The following NOTCH2NLC variants were observed in gnomAD, a reference collection of about 807,000 sequenced individuals.
NOTCH2NLC encodes notch 2 N-terminal like C.
Under a neutral mutation model 17.7 loss-of-function variants are expected in NOTCH2NLC, and 4 were observed. The observed-to-expected ratio is 0.23, with a 90% CI of 0.11 to 0.52. NOTCH2NLC has a LOEUF of 0.52. Ranked by LOEUF, NOTCH2NLC falls within the 20% of genes least tolerant of loss-of-function variation. The pLI, the probability that NOTCH2NLC is intolerant of heterozygous loss-of-function variation, is 0.96. For synonymous variants in NOTCH2NLC, 18 were observed against 86.0 expected, an observed-to-expected ratio of 0.21 and a Z score of 4.38; for missense variants, 57 against 207.2, an observed-to-expected ratio of 0.28 and a Z score of 4.45.
intron 1 of NOTCH2NLC, chr1:149,409,232 G>T (rs1310519636): frequency 1.3e-5 from 2 of 150,144 alleles, no homozygotes; most frequent in Non-Finnish European, 2.9e-5. Flanking sequence ...TGCATTAAAG[G>T]AATATTTATG....
chr1:149,420,092 G>C lies in NOTCH2NLC; in HGVS notation c.136-10850G>C, dbSNP rs1220511144. Among the ~76,000 whole-genome samples the C allele has an allele frequency of 4.0e-5, 6 of 149,780 alleles. No individual in the cohort carries two copies. The East Asian group carries it at 1.2e-3, about 30-fold the overall frequency. Reference sequence around the variant, plus strand: ...TCACCGTGTTAGCCAGGATGGTGTCGATCTCCTGACCTCGTGATCCGCCCA... The same window carrying C: ...TCACCGTGTTAGCCAGGATGGTGTCCATCTCCTGACCTCGTGATCCGCCCA... On this transcript the variant is annotated intron_variant, in intron 1 of 4. Transcript: ENST00000650865.
At chr1:149,445,806 C>G (rs2084548571) in intron 2 of NOTCH2NLC, among the ~76,000 whole-genome samples, 1 of 142,990 alleles carries the variant, frequency 7.0e-6, no homozygotes, top group Non-Finnish European at 1.5e-5. Context: ...TTTGAAATAG[C>G]TGTTTTGTAA....
At chr1:149,392,798 G>A (rs2084178408) in intron 1 of NOTCH2NLC, among the ~76,000 whole-genome samples, 1 of 151,098 alleles carries the variant, frequency 6.6e-6, no homozygotes. Flanking sequence ...TTGGCCGGGC[G>A]CGGTGGCTCA....
At chr1:149,430,721 T>A (rs1486125688) in intron 1 of NOTCH2NLC, among the ~76,000 whole-genome samples, 1 of 150,566 alleles carries the variant, frequency 6.6e-6, no homozygotes, top group Non-Finnish European at 1.5e-5. Context: ...AATAAGAGCA[T>A]CATTGAAGAC....
At chr1:149,413,050 G>T in intron 1 of NOTCH2NLC, among the ~76,000 whole-genome samples, 1 of 148,172 alleles carries the variant, frequency 6.7e-6, no homozygotes, top group East Asian at 2.1e-4. Context: ...GATTACTGGG[G>T]TGTGCCACTA....
At position 149,466,277 on chromosome 1, in the gene NOTCH2NLC, G is replaced by GATA. The variant is rs2084683314; in HGVS notation, c.*2124_*2125insATA. 0.055 allele frequency: 7,777 copies of GATA among 142,054 alleles called. 371 individuals are homozygous for GATA. Among genetic ancestry groups the GATA allele is most frequent in the Middle Eastern group, 0.066 (18 of 274 alleles). 8.8% of individuals were successfully genotyped at this position (142,054 alleles called of 1,614,324 possible). On this transcript the variant is annotated 3_prime_UTR_variant, in exon 5 of 5. Coordinates refer to ENST00000650865, the MANE Select transcript of NOTCH2NLC (RefSeq NM_001364013.2). ...GTGTGTGTGTGTGTGTGTGTGTGTG[G>GATA]TATATATATATATATCGCATTGTGC...
chr1:149,419,208 A>T (rs1233037862), intron 1 of NOTCH2NLC, among the ~76,000 whole-genome samples: 2 of 149,502 alleles, frequency 1.3e-5, no homozygotes, highest in African/African-American at 2.5e-5. Context: ...ATTGGAATTT[A>T]TATTGTTTCT....
chr1:149,449,483 T>C (rs2084578838), intron 2 of NOTCH2NLC, among the ~76,000 whole-genome samples: 2 of 147,678 alleles, frequency 1.4e-5, no homozygotes, highest in African/African-American at 5.0e-5. Flanking sequence ...AACCATTGAA[T>C]CCTGGAAAAA....
rs1338542263 is a variant in NOTCH2NLC, at chr1:149,398,580, T to C, written c.135+7658T>C. 2.8e-4 allele frequency among the ~76,000 whole-genome samples: 42 copies of C among 150,940 alleles called. 1 individual carries two copies. The highest frequency in any genetic ancestry group is 5.8e-4 in the Non-Finnish European group (39 of 67,582). On this transcript the variant is annotated intron_variant, in intron 1 of 4. Transcript: ENST00000650865. ...TGTACTTGTCTTGGCAAAACCCTGT[T>C]CTACTAGCTCCCCAATAGTTTGGCC...
At position 149,470,180 on chromosome 1, in the gene NOTCH2NLC, T is replaced by C. The variant is rs2084708386; in HGVS notation, c.*6027T>C. ...CGTTTAATCTTGGTCAAGTCAGCCA[T>C]GTGGCTCTCAACTTCCTCATCTGTA... is the stretch of plus-strand genomic sequence containing the variant. On this transcript the variant is annotated 3_prime_UTR_variant, in exon 5 of 5. Transcript: ENST00000650865. Among the ~76,000 whole-genome samples the C allele has an allele frequency of 6.6e-6, 1 of 151,200 alleles. No individual in the cohort carries two copies. The highest frequency in any genetic ancestry group is 1.9e-4 in the East Asian group (1 of 5,152).
chr1:149,469,016 G>A lies in NOTCH2NLC; in HGVS notation c.*4863G>A. Among the ~76,000 whole-genome samples, 1 of 110,226 alleles carries A rather than the reference G, an allele frequency of 9.1e-6. No homozygotes were observed. The highest frequency in any genetic ancestry group is 9.8e-5 in the Admixed American group (1 of 10,242). The allele number at this position is 110,226 out of a possible 152,430, so 72.3% of individuals were successfully genotyped here. A position where few individuals can be genotyped will look rare whatever the true frequency, so the allele number is the denominator to read the frequency against. On this transcript the variant is annotated 3_prime_UTR_variant, in exon 5 of 5. Coordinates refer to ENST00000650865, the MANE Select transcript of NOTCH2NLC (RefSeq NM_001364013.2). ...GCATCGCTCTTTCTCCCAGGCTGGA[G>A]TGCAATGGTGCTATCTCGGCTCACT...
chr1:149,419,282 A>G (rs1350903287), intron 1 of NOTCH2NLC, among the ~76,000 whole-genome samples: 1 of 150,918 alleles, frequency 6.6e-6, no homozygotes, highest in Admixed American at 6.6e-5. Flanking sequence ...GAACAAAGAA[A>G]GCCTTTATCA....
intron 1 of NOTCH2NLC, among the ~76,000 whole-genome samples, chr1:149,423,249 GTTTT>G (rs1233587636): frequency 5.5e-5 from 8 of 146,374 alleles, no homozygotes; most frequent in Admixed American, 5.5e-4. Context: ...TTTTTTTTGG[GTTTT>G]TTTTTTCCTT....
intron 3 of NOTCH2NLC, among the ~76,000 whole-genome samples, chr1:149,460,407 C>T (rs2084635849): frequency 6.5e-5 from 9 of 137,772 alleles, no homozygotes; most frequent in Non-Finnish European, 1.2e-4. Context: ...GGCGCAATCT[C>T]GGTTCACTGC....
chr1:149,395,544 C>A (rs1273866605), intron 1 of NOTCH2NLC, among the ~76,000 whole-genome samples: 2 of 150,712 alleles, frequency 1.3e-5, no homozygotes, highest in East Asian at 3.9e-4. Context: ...TGCCACCCAC[C>A]CCCTGCCTCT....
At chr1:149,398,092 G>A (rs1440186794) in intron 1 of NOTCH2NLC, among the ~76,000 whole-genome samples, 38 of 151,106 alleles carry the variant, frequency 2.5e-4, no homozygotes, top group African/African-American at 9.0e-4. Context: ...AGGGTGACTC[G>A]GATCTATAGG....
intron 1 of NOTCH2NLC, among the ~76,000 whole-genome samples, chr1:149,419,858 T>A (rs1490424307): frequency 2.1e-3 from 235 of 112,012 alleles, no homozygotes; most frequent in Middle Eastern, 8.7e-3. Context: ...TATATATATT[T>A]TTTTTTTTTT....
intron 1 of NOTCH2NLC, among the ~76,000 whole-genome samples, chr1:149,426,038 A>AC (rs1164319088): frequency 7.5e-6 from 1 of 133,718 alleles, no homozygotes; most frequent in Non-Finnish European, 1.6e-5. Context: ...TTGCTTAATA[A>AC]CCTCTAGCCA....
At chr1:149,460,876 T>C (rs1240974533) in intron 3 of NOTCH2NLC, among the ~76,000 whole-genome samples, 2 of 119,478 alleles carry the variant, frequency 1.7e-5, no homozygotes, top group African/African-American at 6.1e-5. Flanking sequence ...TCTTTCTTTC[T>C]TTCTTTCTTT....
Sources: gnomAD v4.1 joint callset for allele counts (sites outside exome capture counted in the v4.1 genomes callset) on GRCh38, gnomAD v4.1.1 for gene constraint, MANE v1.5 for transcripts, NCBI Gene and HGNC (gene_info 2026-07-23, HGNC 2026-07-21) for gene names.